IFTAP: variants seen among roughly 807,000 people sequenced by gnomAD.
IFTAP encodes intraflagellar transport associated protein, also known as intraflagellar transport-associated protein.
IFTAP carries 19 observed loss-of-function variants against 19.4 expected under a neutral mutation model. The ratio of observed to expected loss-of-function variants is 0.98; its 90% confidence interval spans 0.68 to 1.44. The LOEUF (loss-of-function observed/expected upper bound fraction) is 1.44. Among genes scored for constraint, IFTAP ranks in the 40% most tolerant of loss-of-function variants. The pLI is 0.00. For missense variants in IFTAP, 240 were observed against 253.6 expected (o/e 0.95, Z 0.36); for synonymous variants, 85 against 83.5 (o/e 1.02, Z -0.10).
At chr11:36,617,203 ATATT>A (rs987157651) in intron 2 of IFTAP, among the ~76,000 whole-genome samples, 63 of 149,150 alleles carry the variant, frequency 4.2e-4, no homozygotes, top group South Asian at 1.3e-3. Flanking sequence ...ATTTGTATAT[ATATT>A]TATTTATTTG....
In IFTAP at chr11:36,636,134, C is replaced by T. The variant is rs1393197685; in HGVS notation, c.358+17C>T. ...TGAGTGAGGGTATGCTTTCTATTTCCTTTCTATACTACCTGACCTCTTTCT... is the reference window on the plus strand; with the variant it reads ...TGAGTGAGGGTATGCTTTCTATTTCTTTTCTATACTACCTGACCTCTTTCT... On this transcript the variant is annotated intron_variant, in intron 4 of 5. Transcript: ENST00000334307. 1 of 1,572,568 alleles carries T rather than the reference C, an allele frequency of 6.4e-7. No homozygotes were observed. Among genetic ancestry groups the T allele is most frequent in the African/African-American group, 1.4e-5 (1 of 74,016 alleles).
intron 4 of IFTAP, 67 bp downstream of exon 4, chr11:36,636,184 C>A: frequency 7.9e-7 from 1 of 1,258,644 alleles, no homozygotes; most frequent in Non-Finnish European, 1.1e-6. Flanking sequence ...AGGCTTTAGA[C>A]AGCTTTCCTG....
intron 1 of IFTAP, chr11:36,597,682 C>A (rs1460955620): frequency 6.6e-6 from 1 of 152,122 alleles, no homozygotes; most frequent in African/African-American, 2.4e-5. Context: ...CTTGCTGATC[C>A]GTGCTGGCCA....
chr11:36,654,572 T>A (rs1243080816), intron 5 of IFTAP, among the ~76,000 whole-genome samples: 1 of 152,118 alleles, frequency 6.6e-6, no homozygotes, highest in Non-Finnish European at 1.5e-5. Context: ...GTGCTTAACC[T>A]ATAGTTCTTC....
chr11:36,642,312 A>G (rs1468116263), intron 4 of IFTAP, among the ~76,000 whole-genome samples: 1 of 152,186 alleles, frequency 6.6e-6, no homozygotes, highest in Non-Finnish European at 1.5e-5. Context: ...ACCAGGAAGA[A>G]GTCGAATCCC....
chr11:36,657,763 C>T lies in IFTAP; in HGVS notation c.499-1256C>T, dbSNP rs368772198. On this transcript the variant is annotated intron_variant, in intron 5 of 5. Coordinates refer to ENST00000334307, the MANE Select transcript of IFTAP (RefSeq NM_138787.4). Reference sequence around the variant, plus strand: ...TGCTTGAATATCACTGCTGATGCCACGTGGTTCCTAGTATCAGGGCTGACA... The same window carrying T: ...TGCTTGAATATCACTGCTGATGCCATGTGGTTCCTAGTATCAGGGCTGACA... 1.1e-4 allele frequency among the ~76,000 whole-genome samples: 16 copies of T among 152,260 alleles called. No homozygotes were observed. The East Asian group carries it at 1.5e-3, about 15-fold the overall frequency.
intron 4 of IFTAP, among the ~76,000 whole-genome samples, chr11:36,638,820 C>T (rs1853072320): frequency 6.6e-6 from 1 of 152,098 alleles, no homozygotes; most frequent in African/African-American, 2.4e-5. Context: ...TTTGTTCACC[C>T]CATTCACTCT....
intron 1 of IFTAP, among the ~76,000 whole-genome samples, chr11:36,598,524 T>C (rs1273905141): frequency 6.6e-6 from 1 of 152,192 alleles, no homozygotes; most frequent in East Asian, 1.9e-4. Context: ...TTGAATCAAA[T>C]GAGAAAGTAT....
intron 5 of IFTAP, among the ~76,000 whole-genome samples, chr11:36,654,030 G>C (rs986361418): frequency 6.6e-6 from 1 of 152,066 alleles, no homozygotes; most frequent in Admixed American, 6.6e-5. Flanking sequence ...AGGAAAACAA[G>C]CTTCCCTTCA....
intron 4 of IFTAP, 99 bp downstream of exon 4, chr11:36,636,216 A>G (rs1852944916): frequency 8.1e-6 from 7 of 859,720 alleles, no homozygotes; most frequent in Non-Finnish European, 1.1e-5. Flanking sequence ...TCTTACCTCC[A>G]CCTCTCCTAA....
chr11:36,625,036 G>A (rs978336689), intron 2 of IFTAP, among the ~76,000 whole-genome samples: 6 of 152,026 alleles, frequency 3.9e-5, no homozygotes, highest in African/African-American at 7.2e-5. Flanking sequence ...AATTTTTTAT[G>A]TTTATTAATA....
At chr11:36,642,925 G>A (rs1378372347) in intron 4 of IFTAP, among the ~76,000 whole-genome samples, 4 of 152,176 alleles carry the variant, frequency 2.6e-5, no homozygotes. Context: ...AAAACTGGAA[G>A]CATTCCCTTT....
chr11:36,655,333 C>T (rs1366653318), intron 5 of IFTAP, among the ~76,000 whole-genome samples: 1 of 152,146 alleles, frequency 6.6e-6, no homozygotes, highest in Non-Finnish European at 1.5e-5. Flanking sequence ...TCACCTGTTC[C>T]AAGACGCCTT....
intron 2 of IFTAP, among the ~76,000 whole-genome samples, chr11:36,622,749 G>A (rs541428754): frequency 2.6e-5 from 4 of 152,136 alleles, no homozygotes; most frequent in East Asian, 3.9e-4. Flanking sequence ...TCTCTGATAC[G>A]AAAGAGAAAA....
intron 4 of IFTAP, among the ~76,000 whole-genome samples, chr11:36,646,264 C>T (rs1012092424): frequency 2.4e-4 from 37 of 152,258 alleles, no homozygotes; most frequent in African/African-American, 7.2e-4. Context: ...TTTGAACTGA[C>T]GTTTGCGCTG....
chr11:36,646,164 T>C (rs1853473072), intron 4 of IFTAP, among the ~76,000 whole-genome samples: 2 of 152,190 alleles, frequency 1.3e-5, no homozygotes, highest in Admixed American at 6.5e-5. Flanking sequence ...AGTAAAGAAA[T>C]TGCAGAGTTG....
At chr11:36,644,236 G>T (rs199969125) in intron 4 of IFTAP, among the ~76,000 whole-genome samples, 4 of 151,324 alleles carry the variant, frequency 2.6e-5, no homozygotes, top group Non-Finnish European at 1.5e-5. Context: ...CAGCCAACGG[G>T]CACATGAAAA....
At chr11:36,610,879 A>T (rs573079562) in intron 2 of IFTAP, among the ~76,000 whole-genome samples, 31 of 152,198 alleles carry the variant, frequency 2.0e-4, no homozygotes, top group Non-Finnish European at 4.1e-4. Flanking sequence ...TTTAGACTGG[A>T]TGTGATGAGG....
intron 1 of IFTAP, among the ~76,000 whole-genome samples, chr11:36,596,233 T>TTTTTTTTTC (rs1851242805): frequency 6.6e-6 from 1 of 150,690 alleles, no homozygotes. Flanking sequence ...TTTTTTTTTT[T>TTTTTTTTTC]TTTTGCTTTA....
Sources: gnomAD v4.1 joint callset for allele counts (sites outside exome capture counted in the v4.1 genomes callset) on GRCh38, gnomAD v4.1.1 for gene constraint, MANE v1.5 for transcripts, NCBI Gene and HGNC (gene_info 2026-07-23, HGNC 2026-07-21) for gene names.